DSE: variants seen among roughly 807,000 people sequenced by gnomAD.
DSE encodes dermatan sulfate epimerase.
In DSE, 36 loss-of-function variants were observed where a neutral mutation model predicts 84.4. The ratio of observed to expected loss-of-function variants is 0.43; its 90% CI spans 0.33 to 0.56. The LOEUF is 0.56. Among genes scored for constraint, DSE ranks in the 20% least tolerant of loss-of-function variants. The pLI is 0.06. For missense variants in DSE, 862 were observed against 1,169.6 expected (o/e 0.74, Z 3.84); for synonymous variants, 410 against 430.1 (o/e 0.95, Z 0.58).
At chr6:116,349,467 G>T (rs1778188674) in intron 2 of DSE, among the ~76,000 whole-genome samples, 2 of 152,146 alleles carry the variant, frequency 1.3e-5, no homozygotes, top group Non-Finnish European at 2.9e-5. Context: ...AAATTCAGGG[G>T]TAGCCGGGAT....
At chr6:116,391,488 C>G (rs924973374) in intron 1 of DSE, among the ~76,000 whole-genome samples, 2 of 152,064 alleles carry the variant, frequency 1.3e-5, no homozygotes, top group Non-Finnish European at 2.9e-5. Flanking sequence ...CGGTTTTGGC[C>G]AGGCACTGTG....
At chr6:116,289,239 G>C (rs1774129538) in intron 2 of DSE, among the ~76,000 whole-genome samples, 1 of 151,780 alleles carries the variant, frequency 6.6e-6, no homozygotes, top group Admixed American at 6.6e-5. Context: ...AAATGGTAAG[G>C]TATAATAATT....
At chr6:116,368,425 C>G (rs957469986), upstream of DSE, among the ~76,000 whole-genome samples, 8 of 152,172 alleles carry the variant, frequency 5.3e-5, no homozygotes, top group African/African-American at 1.9e-4. Context: ...TGGAATTACT[C>G]AGTTATATCA....
Position 116,437,292 on chromosome 6 carries a change from G to C in DSE, c.2824G>C (p.Asp942His), listed in dbSNP as rs1470228895. ...ATGTCTTTATGCAGTTCTTCTCATA[G>C]ATAGCTGTATTTTATTATGGTTGTA... ...QRCLYAVLLI[D>H]SCILLWLYSS... The change falls in exon 6 of 6, where the codon GAT becomes CAT. Residue 942 changes from aspartate to histidine, a missense_variant. Asp to His is a moderately conservative substitution (Grantham distance 81). Coordinates refer to ENST00000644252, the MANE Select transcript of DSE (RefSeq NM_013352.4). 1 of 1,613,942 alleles carries C rather than the reference G, an allele frequency of 6.2e-7. No homozygotes were observed.
At chr6:116,368,278 G>C (rs1779278252), upstream of DSE, among the ~76,000 whole-genome samples, 1 of 152,140 alleles carries the variant, frequency 6.6e-6, no homozygotes, top group African/African-American at 2.4e-5. Context: ...GTAACATGTG[G>C]GTCCTCAACT....
At chr6:116,299,389 G>A (rs1441525126) in intron 2 of DSE, among the ~76,000 whole-genome samples, 4 of 151,512 alleles carry the variant, frequency 2.6e-5, no homozygotes, top group Admixed American at 6.6e-5. Flanking sequence ...CCAATTAGAA[G>A]TTATCTATAA....
At chr6:116,332,226 A>G (rs1776992955) in intron 2 of DSE, among the ~76,000 whole-genome samples, 1 of 152,206 alleles carries the variant, frequency 6.6e-6, no homozygotes, top group South Asian at 2.1e-4. Context: ...AAAGAAACAT[A>G]AAACATTCCC....
intron 5 of DSE, among the ~76,000 whole-genome samples, chr6:116,434,077 A>G (rs2115089125): frequency 6.6e-6 from 1 of 152,320 alleles, no homozygotes; most frequent in East Asian, 1.9e-4. Context: ...CTGTTACTAA[A>G]TTTTCAAAAG....
At chr6:116,323,030 AG>A (rs1349303735) in intron 2 of DSE, among the ~76,000 whole-genome samples, 1 of 152,132 alleles carries the variant, frequency 6.6e-6, no homozygotes, top group East Asian at 1.9e-4. Flanking sequence ...CAGAAAAGAG[AG>A]CTGATAGTGG....
At chr6:116,281,041 G>A (rs181592669) in intron 2 of DSE, among the ~76,000 whole-genome samples, 2 of 152,276 alleles carry the variant, frequency 1.3e-5, no homozygotes, top group Admixed American at 1.3e-4. Context: ...GAGATGAGAA[G>A]ATGATTCTGG....
At chr6:116,368,930 G>A (rs1248395242), upstream of DSE, among the ~76,000 whole-genome samples, 5 of 143,352 alleles carry the variant, frequency 3.5e-5, no homozygotes, top group Non-Finnish European at 7.7e-5. Flanking sequence ...TGGGGTGGGC[G>A]GGGGCGGGGG....
chr6:116,268,905 CTT>C (rs1012387031), intron 2 of DSE, among the ~76,000 whole-genome samples: 7 of 151,256 alleles, frequency 4.6e-5, no homozygotes, highest in South Asian at 2.1e-4. Flanking sequence ...GTTTGGTACT[CTT>C]TATTATTACA....
At chr6:116,390,471 T>C (rs939957952) in intron 1 of DSE, among the ~76,000 whole-genome samples, 1 of 152,214 alleles carries the variant, frequency 6.6e-6, no homozygotes, top group African/African-American at 2.4e-5. Context: ...ATTCCAGTAC[T>C]GGATCACAAT....
Position 116,371,226 on chromosome 6 carries a change from C to G in DSE, c.-54+105C>G, listed in dbSNP as rs144650816. The G allele has an allele frequency of 5.9e-5, 58 of 981,964 alleles. No homozygotes were observed. The East Asian group carries it at 6.5e-3, about 110-fold the overall frequency. The allele number at this position is 981,964 out of a possible 1,614,324, so 60.8% of individuals were successfully genotyped here. On this transcript the variant is annotated intron_variant, in intron 1 of 5. Coordinates refer to ENST00000644252, the MANE Select transcript of DSE (RefSeq NM_013352.4). ...GGGCTGTCCCGGCGCGGGCGGGAGACGGAGAGCCACGTCCCCGGCTGAGAG... is the reference window on the plus strand; with the variant it reads ...GGGCTGTCCCGGCGCGGGCGGGAGAGGGAGAGCCACGTCCCCGGCTGAGAG...
At chr6:116,381,259 A>T (rs546659479) in intron 1 of DSE, among the ~76,000 whole-genome samples, 2 of 152,182 alleles carry the variant, frequency 1.3e-5, no homozygotes, top group African/African-American at 4.8e-5. Flanking sequence ...CATAGGGAAT[A>T]AAGGAATGAA....
intron 2 of DSE, among the ~76,000 whole-genome samples, chr6:116,419,743 T>G (rs9387402): frequency 0.1 from 15,936 of 152,276 alleles, 1,203 homozygotes; most frequent in East Asian, 0.26. Context: ...TCATTTTAAC[T>G]TAAATTTGTA....
intron 2 of DSE, among the ~76,000 whole-genome samples, chr6:116,317,119 C>T (rs1223949781): frequency 1.3e-5 from 2 of 152,194 alleles, no homozygotes; most frequent in Non-Finnish European, 2.9e-5. Flanking sequence ...TTTCAGACTG[C>T]TGTTCAGTTC....
At chr6:116,335,774 CT>C (rs1376927979) in intron 2 of DSE, among the ~76,000 whole-genome samples, 2 of 152,176 alleles carry the variant, frequency 1.3e-5, no homozygotes, top group Non-Finnish European at 2.9e-5. Flanking sequence ...CTACAAGTCA[CT>C]TTTCTTGTAA....
chr6:116,257,440 A>T (rs1348938546), intron 1 of DSE: 1 of 152,220 alleles, frequency 6.6e-6, no homozygotes, highest in Non-Finnish European at 1.5e-5. Flanking sequence ...AGACTACATG[A>T]CCATCCCAAT....
Sources: allele counts gnomAD v4.1 joint callset (sites outside exome capture counted in the v4.1 genomes callset), GRCh38; gene constraint gnomAD v4.1.1; transcripts MANE v1.5; gene names NCBI Gene and HGNC (gene_info 2026-07-23, HGNC 2026-07-21).